The following SEPHS1 variants were observed in gnomAD, a reference collection of about 807,000 sequenced individuals.
SEPHS1 encodes the protein zincore component SEPHS1.
SEPHS1 carries 7 observed loss-of-function variants against 39.2 expected under a neutral mutation model. The ratio of observed to expected loss-of-function variants is 0.18; its 90% CI spans 0.10 to 0.34. SEPHS1 has a LOEUF of 0.34. Among genes scored for constraint, SEPHS1 ranks in the 10% least tolerant of loss-of-function variants. The pLI, the probability that SEPHS1 is intolerant of heterozygous loss-of-function variation, is 1.00. For missense variants in SEPHS1, 253 were observed against 514.5 expected (o/e 0.49, Z 4.92); for synonymous variants, 190 against 195.5 (o/e 0.97, Z 0.23).
At chr10:13,346,647 T>A (rs199572442) in intron 1 of SEPHS1, among the ~76,000 whole-genome samples, 13 of 23,868 alleles carry the variant, frequency 5.4e-4, no homozygotes, top group Non-Finnish European at 7.3e-5. Flanking sequence ...TTGGAAGGCG[T>A]TTTCAACAAA....
Position 13,338,689 on chromosome 10 carries a change from A to G in SEPHS1, c.297+16T>C. On this transcript the variant is annotated intron_variant, in intron 3 of 8. Transcript: ENST00000327347. ...TAAGCCCTTCCAGTCACAAAAACAC[A>G]TCGGCTCACGCTTACCATCATGTAA... The G allele has an allele frequency of 1.3e-6, 2 of 1,599,094 alleles. No individual in the cohort carries two copies. The highest frequency in any genetic ancestry group is 2.2e-5 in the South Asian group (2 of 90,738).
intron 2 of SEPHS1, among the ~76,000 whole-genome samples, chr10:13,340,493 T>G (rs1833751825): frequency 6.6e-6 from 1 of 152,210 alleles, no homozygotes; most frequent in Non-Finnish European, 1.5e-5. Context: ...TTTAACTCAA[T>G]GGATTCTCCC....
chr10:13,345,859 AGT>A (rs1262157634), intron 1 of SEPHS1, among the ~76,000 whole-genome samples: 1 of 152,250 alleles, frequency 6.6e-6, no homozygotes, highest in Admixed American at 6.5e-5. Context: ...CCTGGGCGAG[AGT>A]GAGACTCCGT....
Position 13,333,951 on chromosome 10 carries a change from A to G in SEPHS1, c.426T>C (p.Pro142=). ...CGTCTTTAAAACCTTGGATAATCAG[A>G]GGCATCACTTTATCCCTTTCCTAAG... ...MTDRERDKVM[P]LIIQGFKDAA... is the part of the protein sequence containing the mutation. The change falls in exon 5 of 9, where the codon CCT becomes CCC. Residue 142 remains proline (P), a synonymous_variant. Transcript: ENST00000327347. The G allele has an allele frequency of 6.2e-7, 1 of 1,613,522 alleles. No homozygotes were observed. Among genetic ancestry groups the G allele is most frequent in the South Asian group, 1.1e-5 (1 of 90,984 alleles).
At position 13,330,924 on chromosome 10, in the gene SEPHS1, T is replaced by C. The variant is rs144901028; in HGVS notation, c.561-1136A>G. ...ATAGGTATACATGTGCCATGTTGGT[T>C]TGCTGTACCCATCAACCCGTCCTTT... is the stretch of plus-strand genomic sequence containing the variant. On this transcript the variant is annotated intron_variant, in intron 5 of 8. Coordinates refer to ENST00000327347, the MANE Select transcript of SEPHS1 (RefSeq NM_012247.5). 4.3e-3 allele frequency among the ~76,000 whole-genome samples: 661 copies of C among 152,222 alleles called. 5 individuals carry two copies. Among genetic ancestry groups the C allele is most frequent in the African/African-American group, 0.015 (613 of 41,516 alleles).
chr10:13,325,883 G>A (rs1347259026), intron 7 of SEPHS1, among the ~76,000 whole-genome samples: 1 of 96,882 alleles, frequency 1.0e-5, no homozygotes, highest in Admixed American at 1.7e-4. Context: ...GGGCGACAGC[G>A]AGACTCCGTC....
chr10:13,318,510 AG>A lies in SEPHS1; in HGVS notation c.*631del, dbSNP rs1833009093. 3 of 152,694 alleles carry A rather than the reference AG, an allele frequency of 2.0e-5. No homozygotes were observed. The highest frequency in any genetic ancestry group is 7.2e-5 in the African/African-American group (3 of 41,468). 9.5% of individuals were successfully genotyped at this position (152,694 alleles called of 1,614,324 possible). A position where few individuals can be genotyped will look rare whatever the true frequency, so the allele number is the denominator to read the frequency against. On this transcript the variant is annotated 3_prime_UTR_variant, in exon 9 of 9. Transcript: ENST00000327347. ...TAAATATCAGGAAGGCTACAAAAAA[AG>A]AAATAAGATTTCTTTTTTGTCTTCA... is the stretch of plus-strand genomic sequence containing the variant.
intron 7 of SEPHS1, among the ~76,000 whole-genome samples, chr10:13,323,455 A>G (rs948584696): frequency 6.6e-6 from 1 of 152,078 alleles, no homozygotes; most frequent in African/African-American, 2.4e-5. Flanking sequence ...CCAGGGCTCA[A>G]GTGATTCTCC....
intron 5 of SEPHS1, among the ~76,000 whole-genome samples, chr10:13,333,016 C>A (rs565024495): frequency 6.6e-6 from 1 of 152,160 alleles, no homozygotes; most frequent in African/African-American, 2.4e-5. Flanking sequence ...CTTCCTGTAG[C>A]AATGAAAACA....
intron 1 of SEPHS1, among the ~76,000 whole-genome samples, chr10:13,345,820 T>C (rs1226651252): frequency 1.3e-5 from 2 of 152,186 alleles, no homozygotes; most frequent in Non-Finnish European, 2.9e-5. Flanking sequence ...GAGGTTGCAG[T>C]GAGCCGAGAT....
rs1429098394 is a variant in SEPHS1 at position 13,317,541 on chromosome 10, G to A, written c.*1601C>T. 1 of 152,014 alleles carries A rather than the reference G, an allele frequency of 6.6e-6. No individual in the cohort carries two copies. Among genetic ancestry groups the A allele is most frequent in the Non-Finnish European group, 1.5e-5 (1 of 68,040 alleles). The allele number at this position is 152,014 out of a possible 1,614,324, so 9.4% of individuals were successfully genotyped here. A position where few individuals can be genotyped will look rare whatever the true frequency, so the allele number is the denominator to read the frequency against. Reference sequence around the variant, plus strand: ...AAAATGTCCAATCACTTTCAGTTCCGTAGCAGGCTCTTCCATACTGCACAC... The same window carrying A: ...AAAATGTCCAATCACTTTCAGTTCCATAGCAGGCTCTTCCATACTGCACAC... On this transcript the variant is annotated 3_prime_UTR_variant, in exon 9 of 9. Coordinates refer to ENST00000327347, the MANE Select transcript of SEPHS1 (RefSeq NM_012247.5).
At chr10:13,320,647 C>G (rs1833082195) in intron 8 of SEPHS1, among the ~76,000 whole-genome samples, 1 of 151,734 alleles carries the variant, frequency 6.6e-6, no homozygotes, top group African/African-American at 2.4e-5. Context: ...AGTTCAAGAC[C>G]AGCCTGGCCA....
Position 13,318,392 on chromosome 10 carries a change from G to A in SEPHS1, c.*750C>T, listed in dbSNP as rs953066431. ...GAGTATTATACATGAACCTCCATTC[G>A]GAAGGCAATTCCTTGTAGCACTATA... On this transcript the variant is annotated 3_prime_UTR_variant, in exon 9 of 9. Coordinates refer to ENST00000327347, the MANE Select transcript of SEPHS1 (RefSeq NM_012247.5). 15 of 152,408 alleles carry A rather than the reference G, an allele frequency of 9.8e-5. No individual in the cohort carries two copies. The highest frequency in any genetic ancestry group is 2.9e-4 in the African/African-American group (12 of 41,342). 9.4% of individuals were successfully genotyped at this position (152,408 alleles called of 1,614,324 possible). A position where few individuals can be genotyped will look rare whatever the true frequency, so the allele number is the denominator to read the frequency against.
At chr10:13,339,723 A>C (rs1833735081) in intron 2 of SEPHS1, among the ~76,000 whole-genome samples, 1 of 152,106 alleles carries the variant, frequency 6.6e-6, no homozygotes, top group Non-Finnish European at 1.5e-5. Context: ...TAACCTACAC[A>C]CATCTTCTCA....
intron 1 of SEPHS1, among the ~76,000 whole-genome samples, 152 bp downstream of exon 1, chr10:13,347,848 C>G (rs1833978017): frequency 6.9e-6 from 1 of 145,872 alleles, no homozygotes; most frequent in East Asian, 2.1e-4. Context: ...GGCGCTGCCC[C>G]TCTCCAGGCA....
intron 8 of SEPHS1, chr10:13,322,002 C>CCTA (rs1170675657): frequency 1.8e-5 from 8 of 453,534 alleles, no homozygotes; most frequent in Admixed American, 2.4e-5. Flanking sequence ...GCTCTCTCTA[C>CCTA]CTACGCTTGC....
chr10:13,347,528 G>A (rs1833962058), intron 1 of SEPHS1, among the ~76,000 whole-genome samples: 1 of 145,968 alleles, frequency 6.9e-6, no homozygotes, highest in Non-Finnish European at 1.5e-5. Context: ...GGCACCGCGC[G>A]TGCGGCCCAG....
intron 7 of SEPHS1, among the ~76,000 whole-genome samples, chr10:13,324,031 C>T (rs183968112): frequency 2.6e-5 from 4 of 152,116 alleles, no homozygotes; most frequent in African/African-American, 7.2e-5. Context: ...AGCAGTTTTG[C>T]GTTTAGAAAG....
At chr10:13,328,184 C>T (rs1012578961) in intron 7 of SEPHS1, among the ~76,000 whole-genome samples, 167 bp downstream of exon 7, 15 of 152,128 alleles carry the variant, frequency 9.9e-5, no homozygotes, top group African/African-American at 2.2e-4. Flanking sequence ...AGTCAGGGAC[C>T]ATCTGCAGTG....
Sources: gnomAD v4.1 joint callset for allele counts (sites outside exome capture counted in the v4.1 genomes callset) on GRCh38, gnomAD v4.1.1 for gene constraint, MANE v1.5 for transcripts, NCBI Gene and HGNC (gene_info 2026-07-23, HGNC 2026-07-21) for gene names.